TMLHE: variants seen among roughly 807,000 people sequenced by gnomAD.
TMLHE encodes trimethyllysine hydroxylase, epsilon.
In TMLHE, 18 loss-of-function variants were observed where a neutral mutation model predicts 25.7. The ratio of observed to expected loss-of-function variants is 0.70; its 90% CI spans 0.48 to 1.04. TMLHE has a LOEUF of 1.04. TMLHE is among the 50% of genes least tolerant of loss of function. The pLI is 0.00. For synonymous variants in TMLHE, 105 were observed against 97.0 expected, an observed-to-expected ratio of 1.08 and a Z score of -0.49; for missense variants, 236 against 259.0, an observed-to-expected ratio of 0.91 and a Z score of 0.61.
intron 1 of TMLHE, among the ~76,000 whole-genome samples, chrX:155,550,532 C>T (rs1325757621): frequency 1.8e-5 from 2 of 111,081 alleles, no homozygotes; most frequent in African/African-American, 6.6e-5. Flanking sequence ...TGGATGCACA[C>T]GAATGAAATA....
chrX:155,548,615 T>A lies in TMLHE; in HGVS notation c.-1-3338A>T, dbSNP rs782191328. Among the ~76,000 whole-genome samples the A allele has an allele frequency of 6.8e-4, 74 of 108,305 alleles. 1 individual carries two copies. Among genetic ancestry groups the A allele is most frequent in the Middle Eastern group, 4.6e-3 (1 of 216 alleles). 94.0% of individuals were successfully genotyped at this position (108,305 alleles called of 115,157 possible). On this transcript the variant is annotated intron_variant, in intron 1 of 7. Transcript: ENST00000334398. ...CCGGGTGTGGTGGCACACACCTGTATTCCCAGCTACTCAGGAGGCTGAGGC... is the reference window on the plus strand; with the variant it reads ...CCGGGTGTGGTGGCACACACCTGTAATCCCAGCTACTCAGGAGGCTGAGGC...
intron 3 of TMLHE, among the ~76,000 whole-genome samples, chrX:155,522,751 G>A (rs189693022): frequency 1.7e-3 from 194 of 111,899 alleles, no homozygotes; most frequent in Non-Finnish European, 1.9e-3. Context: ...TTGTATGGAT[G>A]GTTTGTTTAA....
chrX:155,531,127 T>C (rs1557337033), intron 2 of TMLHE, among the ~76,000 whole-genome samples: 1 of 112,211 alleles, frequency 8.9e-6, no homozygotes, highest in East Asian at 2.8e-4. Flanking sequence ...TGGAAATGGC[T>C]CCAGTTATTT....
chrX:155,577,996 G>C (rs2067601910), intron 1 of TMLHE, among the ~76,000 whole-genome samples: 1 of 111,808 alleles, frequency 8.9e-6, no homozygotes, highest in Non-Finnish European at 1.9e-5. Flanking sequence ...CTACCATTGA[G>C]AGCCCAGTCC....
At chrX:155,608,501 A>G (rs2067800646) in intron 1 of TMLHE, among the ~76,000 whole-genome samples, 1 of 112,201 alleles carries the variant, frequency 8.9e-6, no homozygotes, top group Non-Finnish European at 1.9e-5. Context: ...GCCCTGTCAA[A>G]TATTTCATGA....
At chrX:155,595,148 G>A (rs374227232) in intron 1 of TMLHE, among the ~76,000 whole-genome samples, 30 of 111,332 alleles carry the variant, frequency 2.7e-4, no homozygotes, top group African/African-American at 9.5e-4. Flanking sequence ...TGCCATTCAC[G>A]GTCAAGATAA....
chrX:155,593,804 A>T (rs1488328537), intron 1 of TMLHE, among the ~76,000 whole-genome samples: 2 of 111,488 alleles, frequency 1.8e-5, no homozygotes, highest in African/African-American at 6.5e-5. Flanking sequence ...TGAAAATTTC[A>T]ATAGAATATA....
At chrX:155,534,326 T>G (rs2067266099) in intron 2 of TMLHE, among the ~76,000 whole-genome samples, 1 of 111,437 alleles carries the variant, frequency 9.0e-6, no homozygotes, top group Non-Finnish European at 1.9e-5. Flanking sequence ...CTCTGCCTCC[T>G]GGGTTCAAGC....
chrX:155,564,530 G>A (rs2067506504), intron 1 of TMLHE, among the ~76,000 whole-genome samples: 1 of 62,043 alleles, frequency 1.6e-5, no homozygotes, highest in Non-Finnish European at 4.5e-5. Flanking sequence ...GGTCTCCAAG[G>A]AATGGGCTCT....
intron 2 of TMLHE, among the ~76,000 whole-genome samples, chrX:155,526,885 C>T (rs1031009133): frequency 5.3e-5 from 6 of 112,913 alleles, no homozygotes; most frequent in African/African-American, 1.9e-4. Context: ...CAATTTCTCC[C>T]ATTTGGAATG....
chrX:155,556,008 A>T (rs1384601772), intron 1 of TMLHE, among the ~76,000 whole-genome samples: 6 of 110,524 alleles, frequency 5.4e-5, no homozygotes, highest in African/African-American at 1.7e-4. Context: ...TTTTAGGTCT[A>T]ACATTTAAGT....
intron 1 of TMLHE, among the ~76,000 whole-genome samples, chrX:155,592,459 C>G (rs782196884): frequency 4.5e-5 from 5 of 111,732 alleles, no homozygotes; most frequent in Non-Finnish European, 9.4e-5. Flanking sequence ...AATAAAAACC[C>G]ATTAGAAGGA....
intron 1 of TMLHE, among the ~76,000 whole-genome samples, chrX:155,562,933 A>C (rs2067501690): frequency 1.6e-5 from 1 of 62,041 alleles, no homozygotes. Context: ...AGATCATCTC[A>C]GCCTGGATTT....
intron 3 of TMLHE, among the ~76,000 whole-genome samples, chrX:155,515,540 T>A (rs1400200715): frequency 2.7e-5 from 3 of 111,431 alleles, no homozygotes; most frequent in Non-Finnish European, 5.7e-5. Context: ...CTTTTAAGAG[T>A]TCTGATATAC....
chrX:155,545,346 C>G, intron 1 of TMLHE, 69 bp from the exon 2 acceptor site: 1 of 812,590 alleles, frequency 1.2e-6, no homozygotes, highest in Non-Finnish European at 1.7e-6. Flanking sequence ...AGGAATAACA[C>G]TACAGATATA....
At chrX:155,507,231 A>T in intron 5 of TMLHE, 97 bp from the exon 6 acceptor site, 1 of 588,113 alleles carries the variant, frequency 1.7e-6, no homozygotes, top group South Asian at 3.3e-5. Flanking sequence ...ACTACTTGTC[A>T]TTTTCTTTTC....
At chrX:155,600,254 A>C (rs782252188) in intron 1 of TMLHE, among the ~76,000 whole-genome samples, 2 of 112,022 alleles carry the variant, frequency 1.8e-5, no homozygotes, top group South Asian at 7.4e-4. Flanking sequence ...ATTCATGGCG[A>C]TCAATGTATA....
rs970232744 is a variant in TMLHE at position 155,547,333 on chromosome X, A to C, written c.-1-2056T>G. Among the ~76,000 whole-genome samples the C allele has an allele frequency of 1.3e-4, 14 of 106,447 alleles. No individual in the cohort carries two copies. In the East Asian group the frequency reaches 4.1e-3, roughly 31 times the overall value. The allele number at this position is 106,447 out of a possible 115,157, so 92.4% of individuals were successfully genotyped here. On this transcript the variant is annotated intron_variant, in intron 1 of 7. Coordinates refer to ENST00000334398, the MANE Select transcript of TMLHE (RefSeq NM_018196.4). Reference sequence around the variant, plus strand: ...CTAATTTTTTGTATTTTTAGTAGAGACGGGGTTTCACCGTGTTAGCCAGGA... The same window carrying C: ...CTAATTTTTTGTATTTTTAGTAGAGCCGGGGTTTCACCGTGTTAGCCAGGA...
chrX:155,516,000 T>C (rs1305412138), intron 3 of TMLHE, among the ~76,000 whole-genome samples: 1 of 82,452 alleles, frequency 1.2e-5, no homozygotes, highest in Non-Finnish European at 2.3e-5. Flanking sequence ...ATTGGAACAA[T>C]TGTACTTTTC....
Sources: gnomAD v4.1 joint callset for allele counts (sites outside exome capture counted in the v4.1 genomes callset) on GRCh38, gnomAD v4.1.1 for gene constraint, MANE v1.5 for transcripts, NCBI Gene and HGNC (gene_info 2026-07-23, HGNC 2026-07-21) for gene names.